Variants in PLAA observed in about 807,000 individuals in gnomAD.
PLAA encodes phospholipase A-2-activating protein.
Under a neutral mutation model 84.1 loss-of-function variants are expected in PLAA, and 48 were observed. The observed-to-expected ratio is 0.57, with a 90% confidence interval of 0.45 to 0.73. PLAA has a LOEUF of 0.73. PLAA is among the 30% of genes least tolerant of loss of function. PLAA has a pLI of 0.00. For missense variants in PLAA, 903 were observed against 954.7 expected, an observed-to-expected ratio of 0.95 and a Z score of 0.71; for synonymous variants, 392 against 336.6, an observed-to-expected ratio of 1.16 and a Z score of -1.80.
In PLAA at chr9:26,907,851, G is replaced by C; in HGVS notation, c.1805C>G (p.Ala602Gly). The C allele has an allele frequency of 6.2e-7, 1 of 1,608,452 alleles. No homozygotes were observed. The highest frequency in any genetic ancestry group is 8.5e-7 in the Non-Finnish European group (1 of 1,178,674). The change falls in exon 13 of 14, where the codon GCT becomes GGT. Residue 602 changes from alanine to glycine, a missense_variant. Ala to Gly is a moderately conservative substitution (Grantham distance 60). Transcript: ENST00000397292. ...TVQQLQILWK[A>G]INCPEDIVFP... ...TTATTTACCTTCAGGACAGTTAATA[G>C]CTTTCCACAAAATCTGAAGTTGCTG...
intron 10 of PLAA, 148 bp downstream of exon 10, chr9:26,916,949 A>C: frequency 2.9e-6 from 2 of 697,098 alleles, no homozygotes; most frequent in East Asian, 5.7e-5. Flanking sequence ...AAAAATCAGA[A>C]GTTAAAGAAA....
intron 4 of PLAA, among the ~76,000 whole-genome samples, chr9:26,927,456 T>G (rs774789192): frequency 2.6e-5 from 4 of 152,148 alleles, no homozygotes; most frequent in Non-Finnish European, 5.9e-5. Flanking sequence ...AGGGACTTCT[T>G]GCATATTATC....
rs1824590293 is a variant in PLAA, at chr9:26,917,160, C to T, written c.1423G>A (p.Gly475Ser). 11 of 1,613,592 alleles carry T rather than the reference C, an allele frequency of 6.8e-6. No homozygotes were observed. The highest frequency in any genetic ancestry group is 9.3e-6 in the Non-Finnish European group (11 of 1,179,748). Reference protein sequence around the residue: ...PSFSDPFTGGGRYVPGSSGSS... With the variant: ...PSFSDPFTGGSRYVPGSSGSS... ...CCCGAAGAGCCCGGAACATACCGAC[C>T]ACCACCTGTGCATGCAAAATAAAGA... is the stretch of plus-strand genomic sequence containing the variant. Residue 475 changes from glycine to serine, a missense_variant, in exon 10 of 14, where the codon GGT (glycine) becomes AGT (serine). Gly to Ser is a moderately conservative substitution (Grantham distance 56). Coordinates refer to ENST00000397292, the MANE Select transcript of PLAA (RefSeq NM_001031689.3).
chr9:26,930,339 T>C (rs377742373), intron 2 of PLAA, among the ~76,000 whole-genome samples: 32 of 152,056 alleles, frequency 2.1e-4, no homozygotes, highest in East Asian at 1.2e-3. Context: ...CTCCTGACCT[T>C]ATGATCCGCC....
Position 26,931,891 on chromosome 9 carries a change from C to A in PLAA, c.343+3122G>T, listed in dbSNP as rs564465893. Among the ~76,000 whole-genome samples, 4 of 152,218 alleles carry A rather than the reference C, an allele frequency of 2.6e-5. No individual in the cohort carries two copies. The East Asian group carries it at 7.7e-4, about 29-fold the overall frequency. On this transcript the variant is annotated intron_variant, in intron 2 of 13. Coordinates refer to ENST00000397292, the MANE Select transcript of PLAA (RefSeq NM_001031689.3). ...CCAGAGGTCAGGAGTTTGAGACCAG[C>A]CTGGACAACATGGTGAAACCCCATC... is the stretch of plus-strand genomic sequence containing the variant.
chr9:26,931,036 C>G (rs1438289081), intron 2 of PLAA, among the ~76,000 whole-genome samples: 1 of 150,466 alleles, frequency 6.6e-6, no homozygotes, highest in Admixed American at 6.7e-5. Flanking sequence ...AAGAAGTGTA[C>G]AAACTGAACC....
rs1824829007 is a variant in PLAA, at chr9:26,923,249, T to A, written c.968A>T (p.Asp323Val). The change falls in exon 7 of 14, where the codon GAT (aspartate) becomes GTT (valine). Residue 323 changes from aspartate (D) to valine (V), a missense_variant. Physicochemically the swap from Asp to Val is radical, Grantham distance 152. Coordinates refer to ENST00000397292, the MANE Select transcript of PLAA (RefSeq NM_001031689.3). ...GTCCCCTAAATCGCCAGTTTTAGAATCAATGGTTGCGTGAGACAGTTCTTT... is the reference window on the plus strand; with the variant it reads ...GTCCCCTAAATCGCCAGTTTTAGAAACAATGGTTGCGTGAGACAGTTCTTT... Reference protein sequence around the residue: ...FEKELSHATIDSKTGDLGDIN... With the variant: ...FEKELSHATIVSKTGDLGDIN... The A allele has an allele frequency of 6.2e-7, 1 of 1,613,908 alleles. No individual in the cohort carries two copies. The highest frequency in any genetic ancestry group is 2.2e-5 in the East Asian group (1 of 44,868).
At position 26,905,893 on chromosome 9, in the gene PLAA, C is replaced by T; in HGVS notation, c.2006G>A (p.Gly669Asp). ...ALRTFCNCFVGQAGQKLMMSQ... is the reference protein window; with the variant it reads ...ALRTFCNCFVDQAGQKLMMSQ... ...CATCATGAGTTTTTGTCCTGCCTGG[C>T]CAACAAAACAATTGCAAAAAGTCCT... is the stretch of plus-strand genomic sequence containing the variant. The change falls in exon 14 of 14, where the codon GGC (glycine) becomes GAC (aspartate). Residue 669 changes from glycine (G) to aspartate (D), a missense_variant. Physicochemically the swap from Gly to Asp is moderately conservative, Grantham distance 94 (BLOSUM62 -1). Coordinates refer to ENST00000397292, the MANE Select transcript of PLAA (RefSeq NM_001031689.3). The T allele has an allele frequency of 6.2e-7, 1 of 1,614,058 alleles. No individual in the cohort carries two copies. The highest frequency in any genetic ancestry group is 8.5e-7 in the Non-Finnish European group (1 of 1,180,026).
intron 2 of PLAA, among the ~76,000 whole-genome samples, chr9:26,930,402 C>T (rs1019559996): frequency 2.0e-5 from 3 of 152,100 alleles, no homozygotes; most frequent in Non-Finnish European, 2.9e-5. Context: ...TTCGCCCAGC[C>T]AACCAGTGCC....
chr9:26,919,752 G>C (rs1379821260), intron 8 of PLAA, among the ~76,000 whole-genome samples: 1 of 152,128 alleles, frequency 6.6e-6, no homozygotes, highest in African/African-American at 2.4e-5. Flanking sequence ...TGAGGATGAA[G>C]GATGGATTAC....
chr9:26,943,034 A>T (rs965111898), intron 1 of PLAA, among the ~76,000 whole-genome samples: 1 of 152,192 alleles, frequency 6.6e-6, no homozygotes, highest in Non-Finnish European at 1.5e-5. Flanking sequence ...CAGATCCTAT[A>T]TCTGAAGATG....
intron 10 of PLAA, chr9:26,915,830 A>C (rs545473374): frequency 2.4e-5 from 24 of 985,162 alleles, no homozygotes; most frequent in Non-Finnish European, 2.9e-5. Flanking sequence ...TTGAAGCTTG[A>C]TATGTTCTTT....
At chr9:26,946,801 G>A (rs763857119) in intron 1 of PLAA, 96 bp downstream of exon 1, 9 of 1,351,648 alleles carry the variant, frequency 6.7e-6, no homozygotes, top group Non-Finnish European at 8.9e-6. Flanking sequence ...GCTGGGGGGA[G>A]AGAGAGACGG....
At chr9:26,935,300 G>T in intron 1 of PLAA, 94 bp from the exon 2 acceptor site, 1 of 745,120 alleles carries the variant, frequency 1.3e-6, no homozygotes, top group South Asian at 2.4e-5. Context: ...TTAGTGTCTA[G>T]ACAAACTTTA....
At chr9:26,939,919 G>T (rs1258886812) in intron 1 of PLAA, among the ~76,000 whole-genome samples, 2 of 152,136 alleles carry the variant, frequency 1.3e-5, no homozygotes, top group East Asian at 3.8e-4. Context: ...GTGATATATA[G>T]ATAGTTCTAC....
intron 9 of PLAA, among the ~76,000 whole-genome samples, chr9:26,917,501 CTATACAAAT>C (rs1042263334): frequency 2.6e-4 from 40 of 152,282 alleles, no homozygotes; most frequent in African/African-American, 8.9e-4. Flanking sequence ...GTCCCTGTTC[CTATACAAAT>C]TCACAAGAGT....
chr9:26,933,110 A>G (rs1402477979), intron 2 of PLAA, among the ~76,000 whole-genome samples: 1 of 152,122 alleles, frequency 6.6e-6, no homozygotes, highest in Admixed American at 6.5e-5. Flanking sequence ...TCTACTAAAA[A>G]TACAAAAATT....
chr9:26,925,962 T>A lies in PLAA; in HGVS notation c.734-2A>T, dbSNP rs770722727. The A allele has an allele frequency of 6.2e-7, 1 of 1,610,240 alleles. No individual in the cohort carries two copies. The highest frequency in any genetic ancestry group is 2.2e-5 in the East Asian group (1 of 44,856). On this transcript the variant is annotated splice_acceptor_variant, in intron 5 of 13. Transcript: ENST00000397292. LOFTEE classifies it high-confidence loss of function. ...TGTCCTCTGCTGTTGTCACAAAGTCTAAAATTAATGAATATAGGAAGTATT... is the reference window on the plus strand; with the variant it reads ...TGTCCTCTGCTGTTGTCACAAAGTCAAAAATTAATGAATATAGGAAGTATT...
intron 10 of PLAA, chr9:26,916,815 A>G (rs1824578515): frequency 5.7e-6 from 2 of 353,784 alleles, no homozygotes; most frequent in Non-Finnish European, 8.5e-6. Context: ...GTCTGACTCT[A>G]AAACCTATAT....
Sources: gnomAD v4.1 joint callset for allele counts (sites outside exome capture counted in the v4.1 genomes callset) on GRCh38, gnomAD v4.1.1 for gene constraint, MANE v1.5 for transcripts, NCBI Gene and HGNC (gene_info 2026-07-23, HGNC 2026-07-21) for gene names.